The following FBXO28 variants were observed in gnomAD, a reference collection of about 807,000 sequenced individuals.
FBXO28 encodes F-box protein 28, also known as F-box only protein 28.
Under a neutral mutation model 38.1 loss-of-function variants are expected in FBXO28, and 8 were observed. That is an observed-to-expected ratio of 0.21 (90% CI 0.12 to 0.38). FBXO28 has a LOEUF of 0.38. FBXO28 is among the 10% of genes least tolerant of loss of function. The pLI is 1.00. For synonymous variants in FBXO28, 168 were observed against 173.8 expected, an observed-to-expected ratio of 0.97 and a Z score of 0.26; for missense variants, 345 against 460.6, an observed-to-expected ratio of 0.75 and a Z score of 2.30.
chr1:224,145,449 C>T (rs1377083145), intron 3 of FBXO28, among the ~76,000 whole-genome samples: 3 of 151,940 alleles, frequency 2.0e-5, no homozygotes, highest in Non-Finnish European at 4.4e-5. Context: ...CACTTAAAGT[C>T]GGGATTTTCA....
At chr1:224,144,281 T>C (rs766946717) in intron 3 of FBXO28, among the ~76,000 whole-genome samples, 1 of 142,096 alleles carries the variant, frequency 7.0e-6, no homozygotes, top group Non-Finnish European at 1.5e-5. Context: ...CTGAGCAACA[T>C]AGGGAGACCT....
At chr1:224,129,497 A>T (rs1218087847) in intron 1 of FBXO28, among the ~76,000 whole-genome samples, 2 of 152,214 alleles carry the variant, frequency 1.3e-5, no homozygotes, top group Non-Finnish European at 2.9e-5. Context: ...TCAAATGGAT[A>T]CATTTCTGAC....
rs1657808318 is a variant in FBXO28 at position 224,157,884 on chromosome 1, G to T, written c.*138G>T. 1 of 1,429,662 alleles carries T rather than the reference G, an allele frequency of 7.0e-7. No individual in the cohort carries two copies. Among genetic ancestry groups the T allele is most frequent in the Non-Finnish European group, 9.1e-7 (1 of 1,098,536 alleles). The allele number at this position is 1,429,662 out of a possible 1,614,324, so 88.6% of individuals were successfully genotyped here. On this transcript the variant is annotated 3_prime_UTR_variant, in exon 5 of 5. Transcript: ENST00000366862. ...ACACAACTTAAACTTGAACTCTTAT[G>T]GTTGGGACATTCTTTTCCTGCTTCT... is the stretch of plus-strand genomic sequence containing the variant.
chr1:224,141,085 G>C (rs1187896481), intron 3 of FBXO28, among the ~76,000 whole-genome samples: 2 of 152,076 alleles, frequency 1.3e-5, no homozygotes, highest in Non-Finnish European at 2.9e-5. Context: ...ATGAGGCTGA[G>C]ATAGGAGAAT....
chr1:224,146,648 A>G lies in FBXO28; in HGVS notation c.517-6494A>G, dbSNP rs557694397. On this transcript the variant is annotated intron_variant, in intron 3 of 4. Coordinates refer to ENST00000366862, the MANE Select transcript of FBXO28 (RefSeq NM_015176.4). ...TCCCTTGGCCTCTCAAAGTGCTGAGATTACAGGCATAAGCCACCAGCCACA... is the reference window on the plus strand; with the variant it reads ...TCCCTTGGCCTCTCAAAGTGCTGAGGTTACAGGCATAAGCCACCAGCCACA... 3.2e-4 allele frequency among the ~76,000 whole-genome samples: 49 copies of G among 151,228 alleles called. 1 individual carries two copies. The highest frequency in any genetic ancestry group is 1.1e-3 in the African/African-American group (47 of 41,190).
At chr1:224,135,403 A>AGAGTTGAATAGTTTG (rs1657150480) in intron 3 of FBXO28, among the ~76,000 whole-genome samples, 1 of 152,104 alleles carries the variant, frequency 6.6e-6, no homozygotes, top group South Asian at 2.1e-4. Context: ...GTTAAGTAAC[A>AGAGTTGAATAGTTTG]GAGTTGAATA....
In FBXO28 at chr1:224,130,493, G is replaced by A. The variant is rs775512152; in HGVS notation, c.289G>A (p.Val97Ile). ...LRLVCKRMDL[V>I]CQRMLNQGFL... The stretch of plus-strand genomic sequence containing the variant: ...GAAGGTTTGTAAAAGAATGGACTTG[G>A]TCTGCCAGAGAATGTTGAATCAGGG... The change falls in exon 2 of 5, where the codon GTC becomes ATC. Residue 97 changes from valine to isoleucine, a missense_variant. Physicochemically the swap from Val to Ile is conservative, Grantham distance 29 (BLOSUM62 3). This residue lies in a region of FBXO28 where 56 missense variants were observed against 99.8 expected (regional missense o/e 0.56). Coordinates refer to ENST00000366862, the MANE Select transcript of FBXO28 (RefSeq NM_015176.4). The A allele has an allele frequency of 1.9e-6, 3 of 1,613,428 alleles. No individual in the cohort carries two copies. In the African/African-American group the frequency reaches 4.0e-5, roughly 22 times the overall value.
intron 2 of FBXO28, 23 bp from the exon 3 acceptor site, chr1:224,134,051 T>C: frequency 6.8e-7 from 1 of 1,462,398 alleles, no homozygotes; most frequent in Non-Finnish European, 9.0e-7. Flanking sequence ...GTTGCCTTGC[T>C]TTTATTATTA....
chr1:224,124,556 T>C (rs556223436), intron 1 of FBXO28, among the ~76,000 whole-genome samples: 13 of 152,302 alleles, frequency 8.5e-5, no homozygotes, highest in South Asian at 4.1e-4. Flanking sequence ...ATTATTAAAA[T>C]ACTCCTAAAT....
chr1:224,142,458 T>C (rs1657380984), intron 3 of FBXO28, among the ~76,000 whole-genome samples: 2 of 147,972 alleles, frequency 1.4e-5, no homozygotes, highest in Non-Finnish European at 3.0e-5. Flanking sequence ...CTTTAAGTTT[T>C]AACTTCTTGA....
At chr1:224,114,633 G>C (rs1656602405) in intron 1 of FBXO28, among the ~76,000 whole-genome samples, 1 of 81,726 alleles carries the variant, frequency 1.2e-5, no homozygotes, top group Non-Finnish European at 2.7e-5. Context: ...TTCGCCTTGG[G>C]GGCTCCTTGC....
At chr1:224,129,517 A>G (rs935483665) in intron 1 of FBXO28, among the ~76,000 whole-genome samples, 1 of 152,078 alleles carries the variant, frequency 6.6e-6, no homozygotes. Context: ...CTAAAAAAGA[A>G]TTTTTTTTGT....
chr1:224,137,931 A>G (rs1290732479), intron 3 of FBXO28, among the ~76,000 whole-genome samples: 3 of 151,844 alleles, frequency 2.0e-5, no homozygotes, highest in African/African-American at 7.3e-5. Flanking sequence ...GACTATATTG[A>G]TAGGGCATTA....
At chr1:224,119,049 C>G (rs192375355) in intron 1 of FBXO28, among the ~76,000 whole-genome samples, 17 of 152,262 alleles carry the variant, frequency 1.1e-4, no homozygotes, top group African/African-American at 3.9e-4. Flanking sequence ...TGGGGATCTC[C>G]CACTGCCCAG....
chr1:224,136,750 G>C (rs780043074), intron 3 of FBXO28, among the ~76,000 whole-genome samples: 2 of 151,136 alleles, frequency 1.3e-5, no homozygotes, highest in Admixed American at 6.6e-5. Flanking sequence ...AAGTTCAGAA[G>C]TCTTTTTGTT....
intron 1 of FBXO28, among the ~76,000 whole-genome samples, chr1:224,120,136 C>T (rs1039905997): frequency 5.4e-4 from 82 of 152,272 alleles, no homozygotes; most frequent in African/African-American, 1.9e-3. Context: ...AAAAGGATGA[C>T]CTGTGCATAT....
At chr1:224,138,085 G>A (rs1657239215) in intron 3 of FBXO28, among the ~76,000 whole-genome samples, 1 of 151,624 alleles carries the variant, frequency 6.6e-6, no homozygotes, top group Non-Finnish European at 1.5e-5. Flanking sequence ...AAAATTAGGT[G>A]GGTGTGGTGG....
intron 3 of FBXO28, among the ~76,000 whole-genome samples, chr1:224,141,459 A>G (rs1453341640): frequency 2.1e-5 from 3 of 143,180 alleles, no homozygotes; most frequent in Non-Finnish European, 4.6e-5. Flanking sequence ...CGACAGAGCA[A>G]GACTGTGTCT....
At chr1:224,154,516 A>G (rs925942196) in intron 4 of FBXO28, among the ~76,000 whole-genome samples, 2 of 152,014 alleles carry the variant, frequency 1.3e-5, no homozygotes, top group East Asian at 3.9e-4. Flanking sequence ...ACTAAAAAAT[A>G]CCAAAAAATT....
Sources: gnomAD v4.1 joint callset for allele counts (sites outside exome capture counted in the v4.1 genomes callset) on GRCh38, gnomAD v4.1.1 for gene constraint, gnomAD v4.1.1 regional missense constraint, MANE v1.5 for transcripts, NCBI Gene and HGNC (gene_info 2026-07-23, HGNC 2026-07-21) for gene names.